Variants in KPNA5 observed in about 807,000 individuals in gnomAD.
The protein encoded by KPNA5 is importin subunit alpha-6.
In KPNA5, 46 loss-of-function variants were observed where a neutral mutation model predicts 71.3. The ratio of observed to expected loss-of-function variants is 0.65; its 90% CI spans 0.51 to 0.83. The LOEUF is 0.83. Ranked by LOEUF, KPNA5 falls within the 40% of genes least tolerant of loss-of-function variation. The probability of loss-of-function intolerance (pLI) is 0.00; values close to 1 mark genes in which losing one functional copy is unlikely to be tolerated. For missense variants in KPNA5, 547 were observed against 628.3 expected (o/e 0.87, Z 1.38); for synonymous variants, 207 against 201.4 (o/e 1.03, Z -0.24).
intron 7 of KPNA5, among the ~76,000 whole-genome samples, chr6:116,714,640 C>A (rs1283220137): frequency 6.6e-6 from 1 of 152,176 alleles, no homozygotes; most frequent in South Asian, 2.1e-4. Flanking sequence ...CCCCACCTTT[C>A]CAGCCAGGTT....
chr6:116,732,367 A>T lies in KPNA5; in HGVS notation c.*44A>T, dbSNP rs779863697. The T allele has an allele frequency of 1.8e-6, 2 of 1,106,328 alleles. No individual in the cohort carries two copies. The highest frequency in any genetic ancestry group is 4.1e-5 in the South Asian group (2 of 48,424). 68.5% of individuals were successfully genotyped at this position (1,106,328 alleles called of 1,614,324 possible). A position where few individuals can be genotyped will look rare whatever the true frequency, so the allele number is the denominator to read the frequency against. Reference sequence around the variant, plus strand: ...ATTTATGGCTAAAAAGGGTAGCTTCAGGTAACTCCTCTTTGTTGCCAATGT... The same window carrying T: ...ATTTATGGCTAAAAAGGGTAGCTTCTGGTAACTCCTCTTTGTTGCCAATGT... On this transcript the variant is annotated 3_prime_UTR_variant, in exon 14 of 14. Coordinates refer to ENST00000368564, the MANE Select transcript of KPNA5 (RefSeq NM_001366306.2).
chr6:116,692,924 C>G (rs1242594673), intron 4 of KPNA5, among the ~76,000 whole-genome samples: 1 of 152,116 alleles, frequency 6.6e-6, no homozygotes, highest in Non-Finnish European at 1.5e-5. Context: ...TGTCATGTTC[C>G]CCTTCCTGTG....
intron 7 of KPNA5, among the ~76,000 whole-genome samples, chr6:116,709,894 G>T (rs1778586746): frequency 6.6e-6 from 1 of 151,908 alleles, no homozygotes; most frequent in African/African-American, 2.4e-5. Flanking sequence ...CCAGGTAGCT[G>T]GGACTACAAG....
chr6:116,684,831 T>G (rs920928065), intron 1 of KPNA5, among the ~76,000 whole-genome samples: 3 of 152,188 alleles, frequency 2.0e-5, no homozygotes, highest in Non-Finnish European at 2.9e-5. Context: ...CACTATACAC[T>G]TATTAGAATG....
At chr6:116,725,719 A>C (rs1168892867) in intron 10 of KPNA5, 32 bp from the exon 11 acceptor site, 11 of 1,566,402 alleles carry the variant, frequency 7.0e-6, no homozygotes, top group Non-Finnish European at 9.6e-6. Flanking sequence ...TTTACTATAA[A>C]ACTTTTTGTT....
In KPNA5 at chr6:116,732,215, C is replaced by T; in HGVS notation, c.1512C>T (p.Tyr504=). 1 of 1,588,274 alleles carries T rather than the reference C, an allele frequency of 6.3e-7. No homozygotes were observed. The highest frequency in any genetic ancestry group is 8.6e-7 in the Non-Finnish European group (1 of 1,167,868). The change falls in exon 14 of 14, where the codon TAC becomes TAT. Residue 504 remains tyrosine (Y), a synonymous_variant. Transcript: ENST00000368564. ...YQKAFDLIEH[Y]FGVEEDDPSI... Reference sequence around the variant, plus strand: ...AGGCATTTGATCTGATTGAACATTACTTTGGTGTAGAAGAAGATGACCCCA... The same window carrying T: ...AGGCATTTGATCTGATTGAACATTATTTTGGTGTAGAAGAAGATGACCCCA...
intron 4 of KPNA5, among the ~76,000 whole-genome samples, chr6:116,696,954 G>T (rs960796872): frequency 2.0e-5 from 3 of 151,714 alleles, no homozygotes; most frequent in Admixed American, 6.6e-5. Context: ...GTGTGGGGGG[G>T]TATATATCAT....
intron 11 of KPNA5, 30 bp downstream of exon 11, chr6:116,725,906 C>T: frequency 6.3e-7 from 1 of 1,596,796 alleles, no homozygotes. Flanking sequence ...GAGAGTAGAA[C>T]AGCAAGGTCT....
intron 7 of KPNA5, among the ~76,000 whole-genome samples, chr6:116,709,454 A>G (rs1778569029): frequency 6.6e-6 from 1 of 152,210 alleles, no homozygotes; most frequent in Non-Finnish European, 1.5e-5. Context: ...TTGAGGCTGT[A>G]GTGCACTATA....
In KPNA5 at chr6:116,733,788, T is replaced by C. The variant is rs1779577341; in HGVS notation, c.*1465T>C. 6.6e-6 allele frequency: 1 copy of C among 151,696 alleles called. No homozygotes were observed. 9.4% of individuals were successfully genotyped at this position (151,696 alleles called of 1,614,324 possible). A position where few individuals can be genotyped will look rare whatever the true frequency, so the allele number is the denominator to read the frequency against. On this transcript the variant is annotated 3_prime_UTR_variant, in exon 14 of 14. Transcript: ENST00000368564. The stretch of plus-strand genomic sequence containing the variant: ...TTTTGATATGATTCATGGTCTATTC[T>C]TTAAAAAAAGATTTCATTTATGATA...
intron 1 of KPNA5, among the ~76,000 whole-genome samples, chr6:116,686,599 C>T (rs971612171): frequency 3.9e-5 from 6 of 151,962 alleles, no homozygotes; most frequent in Non-Finnish European, 7.4e-5. Context: ...ATAGCCCCTT[C>T]GTGATGAAAT....
chr6:116,692,740 A>G (rs1441922717), intron 4 of KPNA5, among the ~76,000 whole-genome samples: 1 of 151,912 alleles, frequency 6.6e-6, no homozygotes, highest in Non-Finnish European at 1.5e-5. Flanking sequence ...TTTATTTTTT[A>G]TTTTTTTGTT....
rs1778123982 is a variant in KPNA5 at position 116,698,817 on chromosome 6, T to C, written c.435+19T>C. The C allele has an allele frequency of 7.4e-7, 1 of 1,346,688 alleles. No homozygotes were observed. Among genetic ancestry groups the C allele is most frequent in the African/African-American group, 1.5e-5 (1 of 66,592 alleles). The allele number at this position is 1,346,688 out of a possible 1,614,324, so 83.4% of individuals were successfully genotyped here. On this transcript the variant is annotated intron_variant, in intron 5 of 13. Transcript: ENST00000368564. The stretch of plus-strand genomic sequence containing the variant: ...TTTACAAGTGAGTCTAAAGTTTTCT[T>C]TCTTAATTTTTCTCTAGAAATGACA...
intron 7 of KPNA5, among the ~76,000 whole-genome samples, chr6:116,711,997 G>A (rs1778706353): frequency 6.6e-6 from 1 of 152,144 alleles, no homozygotes; most frequent in South Asian, 2.1e-4. Flanking sequence ...AGGCTGGAGT[G>A]CAGTGGTGCA....
At chr6:116,692,852 A>G (rs1045825448) in intron 4 of KPNA5, among the ~76,000 whole-genome samples, 1 of 152,154 alleles carries the variant, frequency 6.6e-6, no homozygotes, top group Non-Finnish European at 1.5e-5. Context: ...GTCATTTAAC[A>G]TTAGTTATAT....
rs368126449 is a variant in KPNA5 at position 116,698,807 on chromosome 6, A to C, written c.435+9A>C. On this transcript the variant is annotated intron_variant, in intron 5 of 13. Coordinates refer to ENST00000368564, the MANE Select transcript of KPNA5 (RefSeq NM_001366306.2). ...AAAATTGCACTTTACAAGTGAGTCTAAAGTTTTCTTTCTTAATTTTTCTCT... is the reference window on the plus strand; with the variant it reads ...AAAATTGCACTTTACAAGTGAGTCTCAAGTTTTCTTTCTTAATTTTTCTCT... The C allele has an allele frequency of 3.4e-6, 5 of 1,468,650 alleles. 1 individual carries two copies. The South Asian group carries it at 6.3e-5, about 19-fold the overall frequency. 91.0% of individuals were successfully genotyped at this position (1,468,650 alleles called of 1,614,324 possible).
chr6:116,692,551 A>G lies in KPNA5; in HGVS notation c.340+159A>G, dbSNP rs367747177. Among the ~76,000 whole-genome samples the G allele has an allele frequency of 6.6e-5, 10 of 152,278 alleles. No homozygotes were observed. In the East Asian group the frequency reaches 1.2e-3, roughly 18 times the overall value. The stretch of plus-strand genomic sequence containing the variant: ...TGTAAAGTAACATCCGTTTTTGAAC[A>G]TGATGTTACCAAAGTAACATATGTT... On this transcript the variant is annotated intron_variant, in intron 4 of 13. Coordinates refer to ENST00000368564, the MANE Select transcript of KPNA5 (RefSeq NM_001366306.2).
intron 7 of KPNA5, among the ~76,000 whole-genome samples, chr6:116,715,325 C>T (rs1318692410): frequency 6.6e-6 from 1 of 151,994 alleles, no homozygotes; most frequent in African/African-American, 2.4e-5. Context: ...AGGGGGTCCA[C>T]AACTCTAAAA....
intron 13 of KPNA5, 44 bp from the exon 14 acceptor site, chr6:116,732,092 A>ACTTTG: frequency 1.4e-5 from 1 of 71,398 alleles, no homozygotes; most frequent in African/African-American, 6.2e-5. Context: ...ATATATATAT[A>ACTTTG]TATATATATA....
Sources: gnomAD v4.1 joint callset for allele counts (sites outside exome capture counted in the v4.1 genomes callset) on GRCh38, gnomAD v4.1.1 for gene constraint, MANE v1.5 for transcripts, NCBI Gene and HGNC (gene_info 2026-07-23, HGNC 2026-07-21) for gene names.